Variants in SEMA3D observed in about 807,000 individuals in gnomAD.
The protein encoded by SEMA3D is semaphorin 3D, also known as semaphorin-3D.
SEMA3D carries 84 observed loss-of-function variants against 100.1 expected under a neutral mutation model. The observed-to-expected ratio is 0.84, with a 90% CI of 0.70 to 1.01. The LOEUF (loss-of-function observed/expected upper bound fraction) is 1.01, where lower values mean the gene tolerates loss of function less well. SEMA3D is among the 50% of genes least tolerant of loss of function. The probability of loss-of-function intolerance (pLI) is 0.00; values close to 1 mark genes in which losing one functional copy is unlikely to be tolerated. For missense variants in SEMA3D, 875 were observed against 934.1 expected (o/e 0.94, Z 0.82); for synonymous variants, 312 against 320.7 (o/e 0.97, Z 0.29).
Position 84,999,444 on chromosome 7 carries a change from G to A in SEMA3D, c.2330C>T (p.Thr777Met), listed in dbSNP as rs1171852696. The change falls in exon 19 of 19, where the codon ACG (threonine) becomes ATG (methionine). Residue 777 changes from threonine to methionine, a missense_variant. By Grantham distance (81) the Thr-to-Met change is moderately conservative. Coordinates refer to ENST00000284136, the MANE Select transcript of SEMA3D (RefSeq NM_001384900.1). ...TTCTTTAAATTAAGTAGAAAACTAC[G>A]TGGCTACAGCTCTAGGGAGCTCATC... is the stretch of plus-strand genomic sequence containing the variant. The part of the protein sequence containing the change: ...DLDELPRAVA[T>M] The A allele has an allele frequency of 4.3e-6, 7 of 1,612,098 alleles. No homozygotes were observed. The highest frequency in any genetic ancestry group is 2.2e-5 in the South Asian group (2 of 90,986).
At chr7:85,221,179 T>A in the SEMA3D span, among the ~76,000 whole-genome samples, 1 of 152,062 alleles carries the variant, frequency 6.6e-6, no homozygotes, top group Non-Finnish European at 1.5e-5. Flanking sequence ...TAGGCAATTT[T>A]ATTTTGGACA....
Position 84,998,401 on chromosome 7 carries a change from T to G in SEMA3D, c.*1039A>C, listed in dbSNP as rs1789561121. 6.6e-6 allele frequency: 1 copy of G among 151,730 alleles called. No homozygotes were observed. The highest frequency in any genetic ancestry group is 2.1e-4 in the South Asian group (1 of 4,822). 9.4% of individuals were successfully genotyped at this position (151,730 alleles called of 1,614,324 possible). On this transcript the variant is annotated 3_prime_UTR_variant, in exon 19 of 19. Coordinates refer to ENST00000284136, the MANE Select transcript of SEMA3D (RefSeq NM_001384900.1). ...TCTTCCTATGATTCTTCAGAAGAAT[T>G]TATGTTTCCTCAGATTTTGCTAGCA...
At chr7:85,248,592 G>A in the SEMA3D span, among the ~76,000 whole-genome samples, 1 of 152,030 alleles carries the variant, frequency 6.6e-6, no homozygotes, top group African/African-American at 2.4e-5. Context: ...TTTAGTAGGT[G>A]AATATAGAAA....
At chr7:85,024,763 T>C (rs1010709028) in intron 12 of SEMA3D, among the ~76,000 whole-genome samples, 2 of 151,954 alleles carry the variant, frequency 1.3e-5, no homozygotes, top group African/African-American at 4.8e-5. Flanking sequence ...TGAAAATGAT[T>C]TGGTAGAGTT....
the SEMA3D span, among the ~76,000 whole-genome samples, chr7:85,212,667 T>G: frequency 6.6e-6 from 1 of 152,044 alleles, no homozygotes; most frequent in Admixed American, 6.6e-5. Context: ...TAAATTAAGC[T>G]TTGTTTAATG....
chr7:85,018,124 G>A (rs765716803), intron 15 of SEMA3D, 128 bp downstream of exon 15: 14 of 700,490 alleles, frequency 2.0e-5, no homozygotes, highest in Admixed American at 7.4e-5. Flanking sequence ...AATTACAAGA[G>A]AAACAAATAA....
At chr7:85,014,910 A>G (rs991773816) in intron 16 of SEMA3D, 149 bp downstream of exon 16, 13 of 549,380 alleles carry the variant, frequency 2.4e-5, no homozygotes, top group East Asian at 1.3e-4. Context: ...ATGTAAAAAT[A>G]TAAAACAACA....
At chr7:85,239,176 A>G in the SEMA3D span, among the ~76,000 whole-genome samples, 2 of 152,134 alleles carry the variant, frequency 1.3e-5, no homozygotes, top group South Asian at 2.1e-4. Context: ...CAAATTTAGT[A>G]TGTGTTACGG....
intron 6 of SEMA3D, among the ~76,000 whole-genome samples, chr7:85,069,819 C>A (rs1791723626): frequency 6.6e-6 from 1 of 152,142 alleles, no homozygotes; most frequent in Admixed American, 6.5e-5. Context: ...GAAATGATAC[C>A]AAGCCAAGCA....
chr7:85,199,073 C>T, the SEMA3D span, among the ~76,000 whole-genome samples: 4 of 151,444 alleles, frequency 2.6e-5, no homozygotes, highest in South Asian at 2.1e-4. Flanking sequence ...TTTAAATTTC[C>T]GGATAAAGAG....
intron 1 of SEMA3D, among the ~76,000 whole-genome samples, chr7:85,182,484 T>C (rs1026697932): frequency 3.9e-5 from 6 of 152,158 alleles, no homozygotes; most frequent in Admixed American, 6.5e-5. Context: ...TTGTTCAGCA[T>C]TGAACAACAT....
At chr7:85,102,125 T>C (rs1178788328) in intron 3 of SEMA3D, among the ~76,000 whole-genome samples, 1 of 151,986 alleles carries the variant, frequency 6.6e-6, no homozygotes, top group African/African-American at 2.4e-5. Context: ...AATAGAAGTA[T>C]ATATAAAATG....
intron 3 of SEMA3D, among the ~76,000 whole-genome samples, chr7:85,118,456 G>A (rs985676549): frequency 6.6e-6 from 1 of 151,918 alleles, no homozygotes; most frequent in African/African-American, 2.4e-5. Context: ...TGAGAATATG[G>A]TTGATTTGGG....
the SEMA3D span, among the ~76,000 whole-genome samples, chr7:85,241,999 A>C: frequency 6.6e-6 from 1 of 152,036 alleles, no homozygotes. Context: ...TATGGAGAAC[A>C]GTTTGGAGGT....
intron 2 of SEMA3D, chr7:85,142,599 T>A: frequency 2.0e-6 from 2 of 984,188 alleles, no homozygotes; most frequent in Non-Finnish European, 2.4e-6. Flanking sequence ...GGAAGAAGAA[T>A]AAAGGCTTTG....
At chr7:85,041,302 C>G (rs920911001) in intron 10 of SEMA3D, 3 of 152,020 alleles carry the variant, frequency 2.0e-5, no homozygotes, top group Non-Finnish European at 4.4e-5. Flanking sequence ...CTCAAGTGGT[C>G]CAAACACCTC....
chr7:85,237,047 T>G, the SEMA3D span, among the ~76,000 whole-genome samples: 42 of 152,310 alleles, frequency 2.8e-4, no homozygotes, highest in African/African-American at 9.4e-4. Flanking sequence ...TTGACATTGG[T>G]GAAATTCATT....
the SEMA3D span, among the ~76,000 whole-genome samples, chr7:85,237,221 C>T: frequency 6.6e-6 from 1 of 152,186 alleles, no homozygotes; most frequent in South Asian, 2.1e-4. Context: ...AACACCACAA[C>T]CTTCCTCACT....
intron 18 of SEMA3D, 22 bp from the exon 19 acceptor site, chr7:84,999,887 G>C: frequency 9.4e-6 from 15 of 1,600,550 alleles, no homozygotes; most frequent in Non-Finnish European, 1.3e-5. Flanking sequence ...GAAAAATGTA[G>C]GTAATAAATT....
Sources: gnomAD v4.1 joint callset for allele counts (sites outside exome capture counted in the v4.1 genomes callset) on GRCh38, gnomAD v4.1.1 for gene constraint, MANE v1.5 for transcripts, NCBI Gene and HGNC (gene_info 2026-07-23, HGNC 2026-07-21) for gene names.